CACNB4: variants seen among roughly 807,000 people sequenced by gnomAD.
CACNB4 encodes the protein voltage-dependent L-type calcium channel subunit beta-4.
Under a neutral mutation model 71.2 loss-of-function variants are expected in CACNB4, and 32 were observed. The observed-to-expected ratio is 0.45, with a 90% CI of 0.34 to 0.60. The LOEUF (loss-of-function observed/expected upper bound fraction) is 0.60, where lower values mean the gene tolerates loss of function less well. Among genes scored for constraint, CACNB4 ranks in the 20% least tolerant of loss-of-function variants. The pLI is 0.01. For missense variants in CACNB4, 464 were observed against 647.9 expected, an observed-to-expected ratio of 0.72 and a Z score of 3.08; for synonymous variants, 231 against 236.9, an observed-to-expected ratio of 0.97 and a Z score of 0.23.
chr2:151,900,213 G>A (rs1392272028), intron 2 of CACNB4, among the ~76,000 whole-genome samples: 1 of 152,210 alleles, frequency 6.6e-6, no homozygotes, highest in Non-Finnish European at 1.5e-5. Flanking sequence ...TGCCTTTAAA[G>A]AGCTTTCAAA....
In CACNB4 at chr2:151,870,549, C is replaced by T. The variant is rs1405201747; in HGVS notation, c.681G>A (p.Pro227=). Reference sequence around the variant, plus strand: ...TTTGTACCTCGTAACCTTTCAGTGACGGCCCCACTAACACCACCGGACGCA... The same window carrying T: ...TTTGTACCTCGTAACCTTTCAGTGATGGCCCCACTAACACCACCGGACGCA... ...PSMRPVVLVG[P]SLKGYEVTDM... is the part of the protein sequence containing the mutation. Residue 227 remains proline, a synonymous_variant, in exon 8 of 14, where the codon CCG becomes CCA. Transcript: ENST00000539935. 22 of 1,613,326 alleles carry T rather than the reference C, an allele frequency of 1.4e-5. 1 individual carries two copies. Among genetic ancestry groups the T allele is most frequent in the South Asian group, 4.4e-5 (4 of 91,044 alleles).
intron 2 of CACNB4, among the ~76,000 whole-genome samples, chr2:151,954,884 C>T (rs1369837798): frequency 1.8e-5 from 2 of 113,830 alleles, no homozygotes; most frequent in Admixed American, 1.2e-4. Flanking sequence ...GATGGAGTCT[C>T]GCTCTGTTGT....
At chr2:152,050,791 C>T (rs1266432757) in intron 2 of CACNB4, among the ~76,000 whole-genome samples, 3 of 151,942 alleles carry the variant, frequency 2.0e-5, no homozygotes, top group Non-Finnish European at 4.4e-5. Context: ...TGTTTTGAGA[C>T]AGGGTCTCAC....
chr2:152,007,642 C>T (rs576516021), intron 2 of CACNB4, among the ~76,000 whole-genome samples: 2 of 152,300 alleles, frequency 1.3e-5, no homozygotes, highest in East Asian at 1.9e-4. Flanking sequence ...TGGGTTACTT[C>T]CACATTTTGG....
chr2:151,967,627 G>T (rs1001090387), intron 2 of CACNB4: 8 of 151,424 alleles, frequency 5.3e-5, no homozygotes, highest in African/African-American at 9.7e-5. Context: ...AGAAAAGGGA[G>T]ATTAAGGAAT....
intron 2 of CACNB4, among the ~76,000 whole-genome samples, chr2:152,042,312 T>C (rs1052620496): frequency 2.0e-4 from 31 of 152,220 alleles, no homozygotes; most frequent in Admixed American, 1.2e-3. Context: ...TTCCATTTCC[T>C]TTCATCCGTC....
chr2:152,098,429 G>C lies in CACNB4; in HGVS notation c.64-16C>G, dbSNP rs1245987299. The C allele has an allele frequency of 6.2e-7, 1 of 1,604,188 alleles. No homozygotes were observed. The highest frequency in any genetic ancestry group is 8.5e-7 in the Non-Finnish European group (1 of 1,171,554). On this transcript the variant is annotated splice_polypyrimidine_tract_variant and intron_variant, in intron 1 of 13. Coordinates refer to ENST00000539935, the MANE Select transcript of CACNB4 (RefSeq NM_000726.5). This position sits in a 1 kb window ranked among gnomAD's most constrained non-coding sequence, Gnocchi z 5.3. ...CTCGGGCCACCTGGACTCGACACAC[G>C]GGGGCCAGAGAGAAGCCGGTGAGGA...
intron 2 of CACNB4, among the ~76,000 whole-genome samples, chr2:152,075,545 A>C (rs1686963569): frequency 6.6e-6 from 1 of 152,182 alleles, no homozygotes; most frequent in Non-Finnish European, 1.5e-5. Flanking sequence ...CCAGGTGGAG[A>C]CCAGCCAACC....
At chr2:151,896,207 T>C (rs1462364471) in intron 2 of CACNB4, among the ~76,000 whole-genome samples, 3 of 152,240 alleles carry the variant, frequency 2.0e-5, no homozygotes, top group Non-Finnish European at 4.4e-5. Flanking sequence ...ACAGAGACTA[T>C]ATTAGTATGA....
intron 2 of CACNB4, among the ~76,000 whole-genome samples, chr2:151,974,847 A>T (rs1427394484): frequency 6.7e-6 from 1 of 149,920 alleles, no homozygotes; most frequent in East Asian, 2.0e-4. Flanking sequence ...TGCAGCTTTG[A>T]AACAGGAGAG....
chr2:151,986,983 G>T (rs1370623573), intron 2 of CACNB4, among the ~76,000 whole-genome samples: 6 of 152,184 alleles, frequency 3.9e-5, no homozygotes, highest in Admixed American at 1.3e-4. Flanking sequence ...CCTTCTGGAA[G>T]GAAGAGATGG....
chr2:151,980,678 A>G (rs1362106758), intron 2 of CACNB4, among the ~76,000 whole-genome samples: 1 of 152,188 alleles, frequency 6.6e-6, no homozygotes, highest in Non-Finnish European at 1.5e-5. Context: ...AGAGCTCACA[A>G]AGTGAAATAT....
intron 2 of CACNB4, among the ~76,000 whole-genome samples, chr2:152,002,183 T>C (rs529987213): frequency 6.6e-6 from 1 of 152,374 alleles, no homozygotes; most frequent in Admixed American, 6.5e-5. Context: ...GTTTCAGCAG[T>C]GGCTGACTTG....
rs141414453 is a variant in CACNB4, at chr2:151,948,514, A to G, written c.148-65144T>C. 3.5e-3 allele frequency among the ~76,000 whole-genome samples: 527 copies of G among 152,200 alleles called. 5 individuals are homozygous for G. The highest frequency in any genetic ancestry group is 0.012 in the African/African-American group (504 of 41,542). On this transcript the variant is annotated intron_variant, in intron 2 of 13. Coordinates refer to ENST00000539935, the MANE Select transcript of CACNB4 (RefSeq NM_000726.5). Reference sequence around the variant, plus strand: ...TGTCTCTATAAAAAATATAAAAATTAGCCAGGCATAGTGATGCATGCCTGT... The same window carrying G: ...TGTCTCTATAAAAAATATAAAAATTGGCCAGGCATAGTGATGCATGCCTGT...
At chr2:151,926,643 G>A (rs938391024) in intron 2 of CACNB4, among the ~76,000 whole-genome samples, 3 of 152,128 alleles carry the variant, frequency 2.0e-5, no homozygotes, top group African/African-American at 7.2e-5. Context: ...TATAATAGCA[G>A]CATCTGTTAC....
intron 2 of CACNB4, among the ~76,000 whole-genome samples, chr2:151,981,756 T>C (rs1158323200): frequency 6.6e-6 from 1 of 152,168 alleles, no homozygotes; most frequent in Non-Finnish European, 1.5e-5. Flanking sequence ...GTTTAATAAC[T>C]ACATTGCAAA....
rs1168406877 is a variant in CACNB4, at chr2:151,835,522, A to G, written c.*3597T>C. ...AGGGTAATTTCTACAATGGTATTAC[A>G]TTTTTTAAGCAAATACCAAAATAAA... On this transcript the variant is annotated 3_prime_UTR_variant, in exon 14 of 14. Coordinates refer to ENST00000539935, the MANE Select transcript of CACNB4 (RefSeq NM_000726.5). 6.6e-6 allele frequency: 1 copy of G among 151,860 alleles called. No individual in the cohort carries two copies. Among genetic ancestry groups the G allele is most frequent in the Non-Finnish European group, 1.5e-5 (1 of 67,762 alleles). The allele number at this position is 151,860 out of a possible 1,614,324, so 9.4% of individuals were successfully genotyped here. A position where few individuals can be genotyped will look rare whatever the true frequency, so the allele number is the denominator to read the frequency against.
intron 2 of CACNB4, among the ~76,000 whole-genome samples, chr2:151,955,818 C>T (rs2099868102): frequency 6.6e-6 from 1 of 151,968 alleles, no homozygotes; most frequent in Non-Finnish European, 1.5e-5. Flanking sequence ...GGGAGGATTG[C>T]TTGAGCCCAA....
intron 2 of CACNB4, among the ~76,000 whole-genome samples, chr2:151,933,894 C>A (rs1249045716): frequency 1.3e-5 from 2 of 152,176 alleles, no homozygotes; most frequent in Non-Finnish European, 2.9e-5. Flanking sequence ...TGATCAAATT[C>A]ATTAAAGCAG....
Sources: gnomAD v4.1 joint callset for allele counts (sites outside exome capture counted in the v4.1 genomes callset) on GRCh38, gnomAD v4.1.1 for gene constraint, Gnocchi (gnomAD v3.1) non-coding constraint, MANE v1.5 for transcripts, NCBI Gene and HGNC (gene_info 2026-07-23, HGNC 2026-07-21) for gene names.